Variants in IL36B observed in about 807,000 individuals in gnomAD.
The protein encoded by IL36B is interleukin 36 beta.
A neutral mutation model predicts 19.3 loss-of-function variants in IL36B; 23 were observed. The observed-to-expected ratio is 1.19, with a 90% CI of 0.86 to 1.69. The LOEUF (loss-of-function observed/expected upper bound fraction) is 1.69. Ranked by LOEUF, IL36B falls within the 40% of genes most tolerant of loss-of-function variation. IL36B has a pLI of 0.00. For missense variants in IL36B, 217 were observed against 200.5 expected, an observed-to-expected ratio of 1.08 and a Z score of -0.50; for synonymous variants, 59 against 59.7, an observed-to-expected ratio of 0.99 and a Z score of 0.05.
At chr2:113,026,332 A>C (rs6744874) in intron 4 of IL36B, 2 of 1,545,228 alleles carry the variant, frequency 1.3e-6, no homozygotes, top group Non-Finnish European at 1.7e-6. Flanking sequence ...AAAGGCCTGC[A>C]TACAGCATGT....
intron 4 of IL36B, chr2:113,027,548 T>G (rs1684986829): frequency 1.9e-6 from 2 of 1,037,802 alleles, no homozygotes; most frequent in African/African-American, 3.4e-5. Flanking sequence ...CAAAATGTCA[T>G]GAATCCACAT....
At chr2:113,043,425 T>G (rs1326140191) in intron 1 of IL36B, among the ~76,000 whole-genome samples, 1 of 152,242 alleles carries the variant, frequency 6.6e-6, no homozygotes, top group Non-Finnish European at 1.5e-5. Flanking sequence ...CCATTTTGAT[T>G]TATGATCAAT....
intron 2 of IL36B, 57 bp from the exon 3 acceptor site, chr2:113,031,212 A>G: frequency 8.7e-7 from 1 of 1,151,688 alleles, no homozygotes; most frequent in South Asian, 1.2e-5. Flanking sequence ...TCAGGACTCC[A>G]GTTGCATCCT....
intron 4 of IL36B, 97 bp downstream of exon 5, chr2:113,027,336 G>T: frequency 2.8e-6 from 1 of 357,058 alleles, no homozygotes; most frequent in Non-Finnish European, 3.9e-6. Context: ...AAAAAAATCA[G>T]TGTTTAAGTG....
At chr2:113,045,243 G>A (rs750567038) in intron 1 of IL36B, among the ~76,000 whole-genome samples, 6 of 151,950 alleles carry the variant, frequency 3.9e-5, no homozygotes, top group Admixed American at 6.6e-5. Context: ...GGTTATAACC[G>A]CAAAAGCATA....
chr2:113,022,969 G>A (rs1448874384), intron 5 of IL36B, among the ~76,000 whole-genome samples: 1 of 152,182 alleles, frequency 6.6e-6, no homozygotes. Flanking sequence ...TGGAGAAAAT[G>A]AAATTAGAGT....
chr2:113,024,634 C>T (rs1248652527), intron 5 of IL36B, among the ~76,000 whole-genome samples: 1 of 152,206 alleles, frequency 6.6e-6, no homozygotes, highest in East Asian at 1.9e-4. Flanking sequence ...TCTTCTTCCT[C>T]CTTCACCATC....
intron 3 of IL36B, among the ~76,000 whole-genome samples, chr2:113,030,479 A>T (rs980225344): frequency 1.1e-4 from 17 of 152,172 alleles, no homozygotes; most frequent in Non-Finnish European, 1.5e-5. Flanking sequence ...GTAGGAGGAA[A>T]ATGTGGGAAT....
intron 5 of IL36B, among the ~76,000 whole-genome samples, chr2:113,024,370 G>A (rs35287495): frequency 1.2e-3 from 188 of 152,190 alleles, no homozygotes; most frequent in African/African-American, 3.3e-3. Context: ...ATTCTATTTC[G>A]TGTGTGTGTG....
At chr2:113,037,939 T>C in intron 1 of IL36B, among the ~76,000 whole-genome samples, 1 of 152,230 alleles carries the variant, frequency 6.6e-6, no homozygotes, top group East Asian at 1.9e-4. Context: ...TTTGCATAGA[T>C]AATTTGTGTG....
chr2:113,043,052 C>A (rs919977996), intron 1 of IL36B, among the ~76,000 whole-genome samples: 3 of 151,962 alleles, frequency 2.0e-5, no homozygotes, highest in Admixed American at 6.6e-5. Context: ...TTTTTGTAGG[C>A]TTTTTGTTTT....
Position 113,026,376 on chromosome 2 carries a change from CG to C in IL36B, c.262-145del, listed in dbSNP as rs1191932095. ...GTTCAGGAGTATCCCAAAGAGAATG[CG>C]GGGCACTGAAGCAATAAGAGATAAT... On this transcript the variant is annotated intron_variant, in intron 4 of 5. Coordinates refer to ENST00000259213, the MANE Select transcript of IL36B (RefSeq NM_014438.5). 22 of 1,334,242 alleles carry C rather than the reference CG, an allele frequency of 1.6e-5. No individual in the cohort carries two copies. The African/African-American group carries it at 2.1e-4, about 12-fold the overall frequency. 82.7% of individuals were successfully genotyped at this position (1,334,242 alleles called of 1,614,324 possible).
intron 1 of IL36B, among the ~76,000 whole-genome samples, chr2:113,050,133 G>C (rs1320422248): frequency 6.6e-6 from 1 of 152,184 alleles, no homozygotes; most frequent in Non-Finnish European, 1.5e-5. Context: ...TGAAAGCAGA[G>C]ACTTGAAAAG....
chr2:113,038,518 G>C (rs1012714297), intron 1 of IL36B, among the ~76,000 whole-genome samples: 1 of 152,198 alleles, frequency 6.6e-6, no homozygotes, highest in Non-Finnish European at 1.5e-5. Context: ...CCTGGTGGGA[G>C]ATCTCAAGCG....
At chr2:113,034,256 T>C (rs946492613) in intron 1 of IL36B, among the ~76,000 whole-genome samples, 5 of 152,176 alleles carry the variant, frequency 3.3e-5, no homozygotes, top group Admixed American at 6.5e-5. Context: ...TATCTTCGCC[T>C]GCAGGGAGTT....
At chr2:113,023,002 A>G (rs1684889557) in intron 5 of IL36B, among the ~76,000 whole-genome samples, 1 of 152,190 alleles carries the variant, frequency 6.6e-6, no homozygotes, top group African/African-American at 2.4e-5. Flanking sequence ...TTTTTGCCCC[A>G]AAAGTCTAGA....
chr2:113,043,398 A>G (rs2105054530), intron 1 of IL36B, among the ~76,000 whole-genome samples: 1 of 152,338 alleles, frequency 6.6e-6, no homozygotes, highest in South Asian at 2.1e-4. Context: ...ATTATGAAGC[A>G]TTGTAGATTA....
At chr2:113,039,329 A>T (rs1573373388) in intron 1 of IL36B, among the ~76,000 whole-genome samples, 8 of 151,964 alleles carry the variant, frequency 5.3e-5, no homozygotes, top group Admixed American at 5.2e-4. Context: ...AAAACCAAAT[A>T]CTCCAGGAAG....
chr2:113,031,184 C>T (rs1433873581), intron 2 of IL36B, 29 bp from the exon 3 acceptor site: 1 of 1,492,280 alleles, frequency 6.7e-7, no homozygotes, highest in Non-Finnish European at 9.4e-7. Context: ...GCACAAAATA[C>T]ACGTGAGGTT....
Sources: allele counts gnomAD v4.1 joint callset (sites outside exome capture counted in the v4.1 genomes callset), GRCh38; gene constraint gnomAD v4.1.1; transcripts MANE v1.5; gene names NCBI Gene and HGNC (gene_info 2026-07-23, HGNC 2026-07-21).